MBD5: variants seen among roughly 807,000 people sequenced by gnomAD.
MBD5 encodes the protein methyl-CpG-binding domain protein 5.
In MBD5, 13 loss-of-function variants were observed where a neutral mutation model predicts 117.3. The observed-to-expected ratio is 0.11, with a 90% CI of 0.07 to 0.18. The LOEUF (loss-of-function observed/expected upper bound fraction) is 0.18. MBD5 is among the 10% of genes least tolerant of loss of function. The pLI, the probability that MBD5 is intolerant of heterozygous loss-of-function variation, is 1.00. For missense variants in MBD5, 1,879 were observed against 2,093.8 expected (o/e 0.90, Z 2.00); for synonymous variants, 727 against 766.4 (o/e 0.95, Z 0.85).
chr2:148,509,917 G>T (rs1682165935), intron 12 of MBD5, 143 bp from the exon 13 acceptor site: 1 of 688,914 alleles, frequency 1.5e-6, no homozygotes, highest in African/African-American at 1.8e-5. Context: ...CCAGAGTGAT[G>T]TTTTGTCATC....
intron 4 of MBD5, among the ~76,000 whole-genome samples, chr2:148,416,916 C>G (rs920421226): frequency 2.0e-5 from 3 of 152,150 alleles, no homozygotes; most frequent in African/African-American, 7.2e-5. Context: ...TAATCACCTC[C>G]AGTTCCATCC....
chr2:148,387,526 C>T (rs972477694), intron 4 of MBD5, among the ~76,000 whole-genome samples: 1 of 151,726 alleles, frequency 6.6e-6, no homozygotes, highest in Non-Finnish European at 1.5e-5. Flanking sequence ...TCAGAGTTCC[C>T]ACAGCAAGAA....
chr2:148,390,493 GTATATA>G (rs1559051407), intron 4 of MBD5, among the ~76,000 whole-genome samples: 3 of 146,654 alleles, frequency 2.0e-5, no homozygotes, highest in South Asian at 2.1e-4. Context: ...ATATATATGT[GTATATA>G]TGTGTGTGTA....
intron 3 of MBD5, among the ~76,000 whole-genome samples, chr2:148,251,121 C>T (rs1250033566): frequency 6.6e-6 from 1 of 151,906 alleles, no homozygotes; most frequent in Non-Finnish European, 1.5e-5. Flanking sequence ...AAAAGGGTGT[C>T]GGGCAAAAGG....
chr2:148,048,053 C>G (rs1457776767), intron 1 of MBD5, among the ~76,000 whole-genome samples: 1 of 151,986 alleles, frequency 6.6e-6, no homozygotes, highest in Non-Finnish European at 1.5e-5. Flanking sequence ...TTGTTCTTTC[C>G]CTTTGAAGTC....
intron 4 of MBD5, among the ~76,000 whole-genome samples, chr2:148,373,706 T>G (rs188906986): frequency 5.5e-4 from 83 of 152,268 alleles, no homozygotes; most frequent in Non-Finnish European, 9.1e-4. Flanking sequence ...GTAACATTTA[T>G]TAGAAGATTG....
intron 1 of MBD5, among the ~76,000 whole-genome samples, chr2:148,112,567 AT>A (rs1558930632): frequency 6.6e-6 from 1 of 152,204 alleles, no homozygotes; most frequent in African/African-American, 2.4e-5. Context: ...TTTGCAGTTC[AT>A]GGTTTACAGT....
intron 1 of MBD5, among the ~76,000 whole-genome samples, chr2:148,033,470 T>C (rs1471677729): frequency 6.6e-6 from 1 of 152,206 alleles, no homozygotes; most frequent in Non-Finnish European, 1.5e-5. Context: ...TAAATTATCT[T>C]CATTTCAGGT....
At chr2:148,062,713 A>C (rs1170750230) in intron 1 of MBD5, 1 of 152,030 alleles carries the variant, frequency 6.6e-6, no homozygotes, top group Non-Finnish European at 1.5e-5. Flanking sequence ...TGGTGGTATG[A>C]TTCTTTGGAT....
intron 4 of MBD5, among the ~76,000 whole-genome samples, chr2:148,385,426 G>C (rs1438990568): frequency 2.0e-5 from 3 of 152,156 alleles, no homozygotes; most frequent in Non-Finnish European, 4.4e-5. Context: ...TCTCACACCA[G>C]TTAGAATGGC....
intron 1 of MBD5, among the ~76,000 whole-genome samples, chr2:148,117,364 T>C (rs2105381773): frequency 6.6e-6 from 1 of 152,174 alleles, no homozygotes; most frequent in East Asian, 1.9e-4. Flanking sequence ...GACTAAGACA[T>C]GTGTAGCCCA....
intron 1 of MBD5, among the ~76,000 whole-genome samples, chr2:148,158,750 C>A (rs1345290270): frequency 6.6e-6 from 1 of 152,192 alleles, no homozygotes; most frequent in Admixed American, 6.5e-5. Context: ...GACGGAGTCT[C>A]GCTGTGTCTG....
chr2:148,138,971 T>C (rs1038579317), intron 1 of MBD5, among the ~76,000 whole-genome samples: 4 of 152,214 alleles, frequency 2.6e-5, no homozygotes, highest in African/African-American at 7.2e-5. Flanking sequence ...GTTTCTACTG[T>C]TGTGTTTTGT....
chr2:148,508,010 G>T (rs1438667406), intron 12 of MBD5, among the ~76,000 whole-genome samples: 1 of 152,082 alleles, frequency 6.6e-6, no homozygotes, highest in African/African-American at 2.4e-5. Flanking sequence ...TCATACAAAA[G>T]AAATAGTGAG....
intron 4 of MBD5, among the ~76,000 whole-genome samples, chr2:148,401,409 CTT>C (rs1258721111): frequency 1.3e-5 from 2 of 151,908 alleles, no homozygotes. Flanking sequence ...TGACTTCTAT[CTT>C]TATAGTTCTT....
intron 1 of MBD5, among the ~76,000 whole-genome samples, chr2:148,149,106 C>T (rs112721125): frequency 6.1e-5 from 9 of 148,512 alleles, no homozygotes; most frequent in African/African-American, 2.0e-4. Context: ...CACCCCACAA[C>T]AGTCCCCAGA....
intron 3 of MBD5, among the ~76,000 whole-genome samples, chr2:148,311,809 G>T (rs1366474492): frequency 6.6e-6 from 1 of 152,168 alleles, no homozygotes; most frequent in South Asian, 2.1e-4. Context: ...TCCGTATTTA[G>T]TGCTTCCTTC....
At chr2:148,341,623 G>C (rs1241709146) in intron 3 of MBD5, among the ~76,000 whole-genome samples, 1 of 151,840 alleles carries the variant, frequency 6.6e-6, no homozygotes, top group Non-Finnish European at 1.5e-5. Context: ...GTTTATTTTT[G>C]TTTTTAGTGG....
intron 4 of MBD5, among the ~76,000 whole-genome samples, chr2:148,405,948 A>G (rs1338132554): frequency 6.6e-6 from 1 of 151,998 alleles, no homozygotes; most frequent in African/African-American, 2.4e-5. Flanking sequence ...GTGAAACCAA[A>G]TCTCTATAGA....
Sources: allele counts gnomAD v4.1 joint callset (sites outside exome capture counted in the v4.1 genomes callset), GRCh38; gene constraint gnomAD v4.1.1; transcripts MANE v1.5; gene names NCBI Gene and HGNC (gene_info 2026-07-23, HGNC 2026-07-21).